CDC42EP5: variants seen among roughly 807,000 people sequenced by gnomAD.
CDC42EP5 encodes the protein CDC42 effector protein 5.
For synonymous variants in CDC42EP5, 118 were observed against 123.3 expected (o/e 0.96, Z 0.28); for missense variants, 269 against 238.0 (o/e 1.13, Z -0.86).
In CDC42EP5 at chr19:54,465,046, T is replaced by C; in HGVS notation, c.*55A>G. 5 of 1,257,728 alleles carry C rather than the reference T, an allele frequency of 4.0e-6. No homozygotes were observed. The highest frequency in any genetic ancestry group is 5.0e-6 in the Non-Finnish European group (5 of 991,220). 77.9% of individuals were successfully genotyped at this position (1,257,728 alleles called of 1,614,324 possible). A position where few individuals can be genotyped will look rare whatever the true frequency, so the allele number is the denominator to read the frequency against. On this transcript the variant is annotated 3_prime_UTR_variant, in exon 3 of 3. Coordinates refer to ENST00000301200, the MANE Select transcript of CDC42EP5 (RefSeq NM_145057.4). Reference sequence around the variant, plus strand: ...AGAGCCCGGGCACACACCTTGGCCGTTTATGTATACAGAAGTGGGGTGCCG... The same window carrying C: ...AGAGCCCGGGCACACACCTTGGCCGCTTATGTATACAGAAGTGGGGTGCCG...
chr19:54,469,565 T>C (rs2084807410), intron 2 of CDC42EP5, among the ~76,000 whole-genome samples: 1 of 152,214 alleles, frequency 6.6e-6, no homozygotes, highest in African/African-American at 2.4e-5. Context: ...ATCTTGAAAA[T>C]GGCATGATAT....
At chr19:54,471,107 C>G (rs1250349309) in intron 2 of CDC42EP5, among the ~76,000 whole-genome samples, 1 of 152,206 alleles carries the variant, frequency 6.6e-6, no homozygotes, top group Non-Finnish European at 1.5e-5. Context: ...AAGTCCCTCA[C>G]GCTGCCAGGG....
rs1430459714 is a variant in CDC42EP5 at position 54,465,088 on chromosome 19, G to T, written c.*13C>A. The T allele has an allele frequency of 7.6e-7, 1 of 1,320,198 alleles. No individual in the cohort carries two copies. The allele number at this position is 1,320,198 out of a possible 1,614,324, so 81.8% of individuals were successfully genotyped here. A position where few individuals can be genotyped will look rare whatever the true frequency, so the allele number is the denominator to read the frequency against. ...GGGGTGCCGGGCGGGAAGGGCGCGGGGAATGAGGGAACCTAGAGGCCGATG... is the reference window on the plus strand; with the variant it reads ...GGGGTGCCGGGCGGGAAGGGCGCGGTGAATGAGGGAACCTAGAGGCCGATG... On this transcript the variant is annotated 3_prime_UTR_variant, in exon 3 of 3. Transcript: ENST00000301200.
At position 54,465,490 on chromosome 19, in the gene CDC42EP5, C is replaced by T. The variant is rs759919377; in HGVS notation, c.58G>A (p.Ala20Thr). The T allele has an allele frequency of 1.2e-5, 18 of 1,536,732 alleles. No individual in the cohort carries two copies. Among genetic ancestry groups the T allele is most frequent in the Non-Finnish European group, 1.5e-5 (17 of 1,154,020 alleles). Residue 20 changes from alanine to threonine, a missense_variant, in exon 3 of 3, where the codon GCC becomes ACC. By Grantham distance (58) the Ala-to-Thr change is moderately conservative. Coordinates refer to ENST00000301200, the MANE Select transcript of CDC42EP5 (RefSeq NM_145057.4). ...AQPKKRPDRG[A>T]LSISAPLGDF... ...CCGAGCGGCGCGGAGATGGACAGGG[C>T]GCCGCGATCAGGCCGCTTCTTGGGC... is the stretch of plus-strand genomic sequence containing the variant.
intron 2 of CDC42EP5, among the ~76,000 whole-genome samples, chr19:54,469,698 C>T (rs1039353466): frequency 2.0e-5 from 3 of 152,212 alleles, no homozygotes; most frequent in Admixed American, 6.5e-5. Context: ...AGTCACACCT[C>T]GGATCATTCT....
chr19:54,470,379 A>C (rs935703304), intron 2 of CDC42EP5, among the ~76,000 whole-genome samples: 18 of 111,380 alleles, frequency 1.6e-4, no homozygotes, highest in African/African-American at 4.8e-4. Context: ...CTCAAGAAGA[A>C]AAGAAAAGAA....
chr19:54,465,212 C>G lies in CDC42EP5; in HGVS notation c.336G>C (p.Pro112=). 6 of 1,439,354 alleles carry G rather than the reference C, an allele frequency of 4.2e-6. No individual in the cohort carries two copies. The highest frequency in any genetic ancestry group is 4.5e-6 in the Non-Finnish European group (5 of 1,100,132). The allele number at this position is 1,439,354 out of a possible 1,614,324, so 89.2% of individuals were successfully genotyped here. ...CGTCGGGCTTGGCGGCAGCCGCCTCCGGGCGCGCCGCGTCCATGACGCCCA... is the reference window on the plus strand; with the variant it reads ...CGTCGGGCTTGGCGGCAGCCGCCTCGGGGCGCGCCGCGTCCATGACGCCCA... ...AVLGVMDAAR[P]EAAAAKPDAE... Residue 112 remains proline (P), a synonymous_variant, in exon 3 of 3, where the codon CCG becomes CCC. Coordinates refer to ENST00000301200, the MANE Select transcript of CDC42EP5 (RefSeq NM_145057.4).
intron 2 of CDC42EP5, among the ~76,000 whole-genome samples, chr19:54,469,501 T>C (rs560203935): frequency 6.6e-6 from 1 of 152,352 alleles, no homozygotes; most frequent in South Asian, 2.1e-4. Context: ...CTGGCTGTGC[T>C]GATCGCTCTG....
At chr19:54,465,915 G>A (rs1242392283) in intron 2 of CDC42EP5, among the ~76,000 whole-genome samples, 2 of 151,766 alleles carry the variant, frequency 1.3e-5, no homozygotes, top group African/African-American at 4.9e-5. Context: ...GATAACAGGC[G>A]TGAGCCACCG....
At chr19:54,468,187 C>A (rs751781451) in intron 2 of CDC42EP5, among the ~76,000 whole-genome samples, 25 of 152,160 alleles carry the variant, frequency 1.6e-4, no homozygotes, top group Non-Finnish European at 2.9e-4. Flanking sequence ...AATTGTGGAA[C>A]AAAAATTAGG....
intron 2 of CDC42EP5, among the ~76,000 whole-genome samples, chr19:54,466,157 G>T (rs2084754891): frequency 1.3e-5 from 2 of 152,086 alleles, no homozygotes; most frequent in Non-Finnish European, 2.9e-5. Context: ...ACTCCAGCTT[G>T]TTGGCCCGGG....
Position 54,471,567 on chromosome 19 carries a change from G to A in CDC42EP5, c.-23C>T, listed in dbSNP as rs2084837120. 6.6e-6 allele frequency: 1 copy of A among 152,042 alleles called. No individual in the cohort carries two copies. Among genetic ancestry groups the A allele is most frequent in the African/African-American group, 2.4e-5 (1 of 41,402 alleles). 9.4% of individuals were successfully genotyped at this position (152,042 alleles called of 1,614,324 possible). ...TACCTCGCGGTCCTCCCAGAGCGGGGCGGGCGCGCGCTCACGACTCCAGCT... is the reference window on the plus strand; with the variant it reads ...TACCTCGCGGTCCTCCCAGAGCGGGACGGGCGCGCGCTCACGACTCCAGCT... On this transcript the variant is annotated 5_prime_UTR_variant, in exon 2 of 3. Transcript: ENST00000301200.
chr19:54,466,357 G>T (rs2084756722), intron 2 of CDC42EP5, among the ~76,000 whole-genome samples: 1 of 152,162 alleles, frequency 6.6e-6, no homozygotes, highest in African/African-American at 2.4e-5. Flanking sequence ...CTTGAACCCC[G>T]GAGGCGGAGG....
intron 2 of CDC42EP5, among the ~76,000 whole-genome samples, chr19:54,466,176 C>T (rs1401283701): frequency 5.9e-5 from 9 of 152,024 alleles, no homozygotes; most frequent in African/African-American, 2.2e-4. Flanking sequence ...GGTGCGGTGG[C>T]TCACTCCTGT....
At chr19:54,472,168 C>G (rs1318850176) in intron 1 of CDC42EP5, among the ~76,000 whole-genome samples, 3 of 94 alleles carry the variant, frequency 0.032, 1 homozygote, top group African/African-American at 0.056. Context: ...GGAGTCCAGA[C>G]CCCCCAGCCC....
intron 2 of CDC42EP5, among the ~76,000 whole-genome samples, chr19:54,469,066 C>T (rs1170064514): frequency 3.3e-5 from 5 of 151,754 alleles, no homozygotes; most frequent in Non-Finnish European, 1.5e-5. Flanking sequence ...GCGATCTCGG[C>T]TCACTGCAAC....
chr19:54,465,447 A>G lies in CDC42EP5; in HGVS notation c.101T>C (p.Leu34Pro). 1 of 1,513,038 alleles carries G rather than the reference A, an allele frequency of 6.6e-7. No homozygotes were observed. 93.7% of individuals were successfully genotyped at this position (1,513,038 alleles called of 1,614,324 possible). A position where few individuals can be genotyped will look rare whatever the true frequency, so the allele number is the denominator to read the frequency against. Residue 34 changes from leucine to proline, a missense_variant, in exon 3 of 3, where the codon CTG (leucine) becomes CCG (proline). Transcript: ENST00000301200. ...SAPLGDFRHT[L>P]HVGRGGDAFG... ...GGCGTCGCCGCCGCGCCCCACGTGC[A>G]GCGTGTGCCGGAAGTCGCCGAGCGG... is the stretch of plus-strand genomic sequence containing the variant.
Position 54,465,355 on chromosome 19 carries a change from C to CG in CDC42EP5, c.192dup (p.Ala65ArgfsTer?). 8.7e-7 allele frequency: 1 copy of CG among 1,155,308 alleles called. No individual in the cohort carries two copies. Among genetic ancestry groups the CG allele is most frequent in the Non-Finnish European group, 1.1e-6 (1 of 938,958 alleles). 71.6% of individuals were successfully genotyped at this position (1,155,308 alleles called of 1,614,324 possible). A position where few individuals can be genotyped will look rare whatever the true frequency, so the allele number is the denominator to read the frequency against. On this transcript the variant is annotated frameshift_variant, in exon 3 of 3. Transcript: ENST00000301200. LOFTEE classifies it low-confidence loss of function (END_TRUNC). The stretch of plus-strand genomic sequence containing the variant: ...GGCGGCGGGGAGCGCGGGGCCCCCG[C>CG]GGGGGGCGCCCGGGGCTCGGGGGGC...
intron 2 of CDC42EP5, among the ~76,000 whole-genome samples, chr19:54,465,980 G>A (rs1484701849): frequency 6.6e-6 from 1 of 152,182 alleles, no homozygotes; most frequent in Non-Finnish European, 1.5e-5. Context: ...GAGGTCCCAT[G>A]GGCACAGCTG....
Sources: allele counts gnomAD v4.1 joint callset (sites outside exome capture counted in the v4.1 genomes callset), GRCh38; gene constraint gnomAD v4.1.1; transcripts MANE v1.5; gene names NCBI Gene and HGNC (gene_info 2026-07-23, HGNC 2026-07-21).